ZBTB16: variants seen among roughly 807,000 people sequenced by gnomAD.
The protein encoded by ZBTB16 is zinc finger and BTB domain containing 16, also known as zinc finger and BTB domain-containing protein 16.
In ZBTB16, 8 loss-of-function variants were observed where a neutral mutation model predicts 56.8. The ratio of observed to expected loss-of-function variants is 0.14; its 90% CI spans 0.08 to 0.25. The LOEUF (loss-of-function observed/expected upper bound fraction) is 0.25, where lower values mean the gene tolerates loss of function less well. Among genes scored for constraint, ZBTB16 ranks in the 10% least tolerant of loss-of-function variants. ZBTB16 has a pLI of 1.00. For synonymous variants in ZBTB16, 363 were observed against 368.5 expected (o/e 0.98, Z 0.17); for missense variants, 625 against 903.0 (o/e 0.69, Z 3.95).
intron 2 of ZBTB16, among the ~76,000 whole-genome samples, chr11:114,069,455 G>A (rs2137668363): frequency 6.6e-6 from 1 of 152,348 alleles, no homozygotes; most frequent in East Asian, 1.9e-4. Flanking sequence ...GGATCCGTGT[G>A]TACAGCCCTT....
intron 4 of ZBTB16, among the ~76,000 whole-genome samples, chr11:114,191,827 A>G (rs1353221096): frequency 6.6e-6 from 1 of 152,318 alleles, no homozygotes; most frequent in East Asian, 1.9e-4. Context: ...TATAATACAT[A>G]TACACACACA....
chr11:114,089,804 G>A (rs491186), intron 2 of ZBTB16, among the ~76,000 whole-genome samples: 151 of 152,364 alleles, frequency 9.9e-4, no homozygotes, highest in Non-Finnish European at 1.6e-3. Context: ...GAGGCCAGGA[G>A]GTCTGGCTGC....
chr11:114,070,380 T>C (rs559686445), intron 2 of ZBTB16, among the ~76,000 whole-genome samples: 4 of 151,724 alleles, frequency 2.6e-5, no homozygotes, highest in African/African-American at 9.7e-5. Context: ...AGTGCTGGGA[T>C]TACAGGCGTG....
rs1391984405 is a variant in ZBTB16 at position 114,250,184 on chromosome 11, T to C, written c.1793-142T>C. On this transcript the variant is annotated intron_variant, in intron 6 of 6. Transcript: ENST00000335953. This position sits in a 1 kb window ranked among gnomAD's most constrained non-coding sequence, Gnocchi z 6.0. ...GACTGGTGGCTGCCGTCTTGGGTGG[T>C]GCCTTCATTGTCCCAGAAAGTTCTG... The C allele has an allele frequency of 2.4e-6, 2 of 836,160 alleles. No homozygotes were observed. Among genetic ancestry groups the C allele is most frequent in the East Asian group, 5.1e-5 (2 of 38,924 alleles). The allele number at this position is 836,160 out of a possible 1,614,324, so 51.8% of individuals were successfully genotyped here.
At chr11:114,087,466 C>T (rs979146103) in intron 2 of ZBTB16, among the ~76,000 whole-genome samples, 17 of 152,150 alleles carry the variant, frequency 1.1e-4, no homozygotes, top group Admixed American at 4.6e-4. Flanking sequence ...TCTCCTGTGT[C>T]CTCATGTTTT....
intron 4 of ZBTB16, among the ~76,000 whole-genome samples, chr11:114,208,759 C>T (rs1943939215): frequency 1.3e-5 from 2 of 152,168 alleles, no homozygotes. Flanking sequence ...GCAAGTTAAC[C>T]ACTATTGTTT....
chr11:114,155,943 G>A (rs1048109544), intron 2 of ZBTB16, among the ~76,000 whole-genome samples: 7 of 152,166 alleles, frequency 4.6e-5, no homozygotes, highest in African/African-American at 1.4e-4. Context: ...GTCACCACCC[G>A]GGAAAGGCAG....
At chr11:114,244,667 T>A (rs1189692254) in intron 5 of ZBTB16, among the ~76,000 whole-genome samples, 1 of 152,102 alleles carries the variant, frequency 6.6e-6, no homozygotes, top group Non-Finnish European at 1.5e-5. Context: ...TCCTTCTAAG[T>A]TCTTTTTATT....
intron 2 of ZBTB16, among the ~76,000 whole-genome samples, chr11:114,121,508 C>T (rs1941345963): frequency 6.6e-6 from 1 of 152,162 alleles, no homozygotes; most frequent in African/African-American, 2.4e-5. Flanking sequence ...GTGGCTAGCA[C>T]CATGGCTATT....
chr11:114,100,320 G>T (rs1265007763), intron 2 of ZBTB16, among the ~76,000 whole-genome samples: 1 of 152,158 alleles, frequency 6.6e-6, no homozygotes, highest in Non-Finnish European at 1.5e-5. Context: ...GGAAGACTTG[G>T]TGATTTTGGC....
intron 3 of ZBTB16, among the ~76,000 whole-genome samples, chr11:114,164,839 A>G (rs933442754): frequency 6.6e-6 from 1 of 151,756 alleles, no homozygotes; most frequent in African/African-American, 2.4e-5. Context: ...GGTGGCAGGT[A>G]TTTATTTTTC....
At chr11:114,239,480 C>T (rs1039919232) in intron 4 of ZBTB16, among the ~76,000 whole-genome samples, 3 of 152,152 alleles carry the variant, frequency 2.0e-5, no homozygotes, top group Admixed American at 6.5e-5. Context: ...GGGCACAGAA[C>T]GCATTGCAGA....
At chr11:114,216,004 G>C (rs1251300182) in intron 4 of ZBTB16, among the ~76,000 whole-genome samples, 1 of 152,186 alleles carries the variant, frequency 6.6e-6, no homozygotes, top group Non-Finnish European at 1.5e-5. Flanking sequence ...GTAGGGGTGT[G>C]GGAGCGTTGA....
At position 114,255,204 on chromosome 11, in the gene ZBTB16, C is replaced by T. The variant is rs538959406; in HGVS notation, c.*4649C>T. On this transcript the variant is annotated 3_prime_UTR_variant, in exon 7 of 7. Transcript: ENST00000335953. ...GCCTTTTGGTTTGGGTATTATGTTT[C>T]GTTTTGTTATTTGTTTGTTTTTGTG... Among the ~76,000 whole-genome samples the T allele has an allele frequency of 7.9e-5, 12 of 152,198 alleles. No homozygotes were observed. Among genetic ancestry groups the T allele is most frequent in the African/African-American group, 2.2e-4 (9 of 41,524 alleles).
intron 2 of ZBTB16, among the ~76,000 whole-genome samples, chr11:114,082,102 C>T (rs1255186529): frequency 2.6e-4 from 29 of 112,192 alleles, no homozygotes; most frequent in Admixed American, 9.1e-4. Context: ...GGCAATATAG[C>T]GAGACGATCT....
At chr11:114,087,155 C>T (rs896317404) in intron 2 of ZBTB16, among the ~76,000 whole-genome samples, 1 of 152,188 alleles carries the variant, frequency 6.6e-6, no homozygotes, top group African/African-American at 2.4e-5. Context: ...TTTCTCTTCT[C>T]ACGGGAAAGA....
intron 2 of ZBTB16, among the ~76,000 whole-genome samples, chr11:114,115,859 T>C (rs893504407): frequency 3.3e-5 from 5 of 152,126 alleles, no homozygotes; most frequent in Non-Finnish European, 5.9e-5. Context: ...GGGATCTCCA[T>C]ACTGGCTCCC....
At position 114,252,753 on chromosome 11, in the gene ZBTB16, C is replaced by T. The variant is rs575412932; in HGVS notation, c.*2198C>T. On this transcript the variant is annotated 3_prime_UTR_variant, in exon 7 of 7. Transcript: ENST00000335953. ...AGGATCACGAGGAATGTAGGGAAGC[C>T]GGAGGGATGGGTGCTGCTGCGACGA... Among the ~76,000 whole-genome samples the T allele has an allele frequency of 9.9e-5, 15 of 152,100 alleles. No homozygotes were observed. The East Asian group carries it at 2.5e-3, about 26-fold the overall frequency.
intron 4 of ZBTB16, among the ~76,000 whole-genome samples, chr11:114,224,741 TAGG>T (rs1944297198): frequency 6.6e-6 from 1 of 151,648 alleles, no homozygotes; most frequent in Non-Finnish European, 1.5e-5. Flanking sequence ...CTGGAAGAAA[TAGG>T]AGGGACACCA....
Sources: allele counts gnomAD v4.1 joint callset (sites outside exome capture counted in the v4.1 genomes callset), GRCh38; gene constraint gnomAD v4.1.1; non-coding constraint Gnocchi (gnomAD v3.1); transcripts MANE v1.5; gene names NCBI Gene and HGNC (gene_info 2026-07-23, HGNC 2026-07-21).